PPP1R9A: variants seen among roughly 807,000 people sequenced by gnomAD.
The protein encoded by PPP1R9A is neurabin-1.
In PPP1R9A, 59 loss-of-function variants were observed where a neutral mutation model predicts 141.9. The observed-to-expected ratio is 0.42, with a 90% CI of 0.34 to 0.52. The LOEUF is 0.52. PPP1R9A is among the 20% of genes least tolerant of loss of function. The pLI, the probability that PPP1R9A is intolerant of heterozygous loss-of-function variation, is 0.10. For missense variants in PPP1R9A, 1,444 were observed against 1,611.9 expected, an observed-to-expected ratio of 0.90 and a Z score of 1.78; for synonymous variants, 500 against 569.7, an observed-to-expected ratio of 0.88 and a Z score of 1.74.
chr7:95,086,293 G>A (rs1195472150), intron 2 of PPP1R9A, among the ~76,000 whole-genome samples: 1 of 151,918 alleles, frequency 6.6e-6, no homozygotes. Flanking sequence ...GGATTTTTAT[G>A]TCTTAACACA....
At chr7:95,085,062 T>C (rs1175541715) in intron 2 of PPP1R9A, among the ~76,000 whole-genome samples, 1 of 152,050 alleles carries the variant, frequency 6.6e-6, no homozygotes, top group Non-Finnish European at 1.5e-5. Context: ...TTCCACATTC[T>C]CACCCATACT....
At chr7:94,960,186 T>C (rs1797476732) in intron 2 of PPP1R9A, among the ~76,000 whole-genome samples, 1 of 150,292 alleles carries the variant, frequency 6.7e-6, no homozygotes, top group Admixed American at 6.6e-5. Flanking sequence ...TTTTTTTTTC[T>C]TCATGTTCTT....
At chr7:94,936,687 T>C (rs905005308) in intron 2 of PPP1R9A, among the ~76,000 whole-genome samples, 2 of 151,842 alleles carry the variant, frequency 1.3e-5, no homozygotes, top group African/African-American at 4.8e-5. Context: ...TGTGTGTTTG[T>C]GTATATATTT....
At chr7:94,945,020 T>C (rs543677565) in intron 2 of PPP1R9A, among the ~76,000 whole-genome samples, 25 of 152,200 alleles carry the variant, frequency 1.6e-4, no homozygotes, top group African/African-American at 5.8e-4. Flanking sequence ...CCTAAGGATC[T>C]ATTGATTACC....
intron 2 of PPP1R9A, among the ~76,000 whole-genome samples, chr7:94,993,788 C>G (rs1584167794): frequency 2.0e-5 from 3 of 152,058 alleles, no homozygotes; most frequent in African/African-American, 7.2e-5. Context: ...GAAATTTTGT[C>G]AGATTTTTTA....
At chr7:94,941,010 A>T (rs1032933695) in intron 2 of PPP1R9A, among the ~76,000 whole-genome samples, 3 of 152,126 alleles carry the variant, frequency 2.0e-5, no homozygotes, top group Admixed American at 6.6e-5. Context: ...TGGGGAATAC[A>T]TTATGCACAG....
chr7:95,178,045 T>C (rs1239345164), intron 5 of PPP1R9A, among the ~76,000 whole-genome samples: 1 of 152,132 alleles, frequency 6.6e-6, no homozygotes, highest in African/African-American at 2.4e-5. Flanking sequence ...TTAACAGATA[T>C]ATACAGAACA....
intron 2 of PPP1R9A, among the ~76,000 whole-genome samples, chr7:95,021,922 C>G (rs542404070): frequency 1.2e-4 from 18 of 152,202 alleles, no homozygotes; most frequent in Admixed American, 1.0e-3. Flanking sequence ...CAGCTTTGTT[C>G]TTTTTGCTTA....
intron 2 of PPP1R9A, among the ~76,000 whole-genome samples, chr7:94,983,739 A>G (rs571411095): frequency 5.7e-4 from 87 of 152,228 alleles, no homozygotes; most frequent in Admixed American, 3.1e-3. Context: ...GGCTGAGATG[A>G]TGGGATTTTC....
intron 2 of PPP1R9A, among the ~76,000 whole-genome samples, chr7:94,948,243 G>A (rs1796099602): frequency 6.9e-6 from 1 of 145,712 alleles, no homozygotes; most frequent in Admixed American, 7.0e-5. Flanking sequence ...CTGTCACTTA[G>A]TTGGTACAGT....
chr7:95,132,218 T>G (rs1483725237), intron 4 of PPP1R9A, among the ~76,000 whole-genome samples: 1 of 152,170 alleles, frequency 6.6e-6, no homozygotes, highest in Non-Finnish European at 1.5e-5. Flanking sequence ...CTCCCAGTAC[T>G]ATGTTGAATA....
chr7:94,913,705 A>T (rs1235814765), intron 2 of PPP1R9A, among the ~76,000 whole-genome samples: 1 of 152,110 alleles, frequency 6.6e-6, no homozygotes, highest in African/African-American at 2.4e-5. Context: ...TGTTTAGGTT[A>T]TTCTCCAATT....
intron 4 of PPP1R9A, among the ~76,000 whole-genome samples, chr7:95,137,502 G>GA (rs2152556212): frequency 6.6e-6 from 1 of 150,978 alleles, no homozygotes; most frequent in Non-Finnish European, 1.5e-5. Context: ...GATGTTGCTG[G>GA]AAAAAAATCA....
intron 2 of PPP1R9A, among the ~76,000 whole-genome samples, chr7:95,110,119 T>C (rs1355247184): frequency 6.6e-6 from 1 of 152,134 alleles, no homozygotes; most frequent in Non-Finnish European, 1.5e-5. Flanking sequence ...CATGTACCAT[T>C]AGGAGCTACA....
At position 95,249,068 on chromosome 7, in the gene PPP1R9A, C is replaced by G. The variant is rs183455689; in HGVS notation, c.2167-958C>G. 4.8e-3 allele frequency among the ~76,000 whole-genome samples: 737 copies of G among 152,142 alleles called. 8 individuals carry two copies. The highest frequency in any genetic ancestry group is 0.017 in the African/African-American group (713 of 41,514). ...TTGGGAATGACTTTTGAGCCCTCAC[C>G]TAAATGATCAGTATTGGATTTCTGT... On this transcript the variant is annotated intron_variant, in intron 9 of 19. Coordinates refer to ENST00000433360, the MANE Select transcript of PPP1R9A (RefSeq NM_001166160.2).
At chr7:95,175,670 T>C (rs1448407495) in intron 5 of PPP1R9A, among the ~76,000 whole-genome samples, 1 of 152,102 alleles carries the variant, frequency 6.6e-6, no homozygotes, top group African/African-American at 2.4e-5. Flanking sequence ...GAAGAAATTT[T>C]CAATGATTTA....
chr7:94,960,753 G>A lies in PPP1R9A; in HGVS notation c.1395+49245G>A, dbSNP rs557071996. 2.4e-4 allele frequency among the ~76,000 whole-genome samples: 36 copies of A among 151,712 alleles called. No homozygotes were observed. The South Asian group carries it at 7.3e-3, about 31-fold the overall frequency. ...AAGGAGCCAAAATTTGAATCTAGAT[G>A]TGTTTATTTTTTTTAAATCCAGATC... On this transcript the variant is annotated intron_variant, in intron 2 of 19. Transcript: ENST00000433360.
chr7:95,287,461 G>T (rs1298360249), intron 18 of PPP1R9A, among the ~76,000 whole-genome samples: 1 of 152,002 alleles, frequency 6.6e-6, no homozygotes, highest in African/African-American at 2.4e-5. Context: ...CCCTGTGTGG[G>T]TCACCAAGGT....
chr7:95,120,575 C>T, intron 3 of PPP1R9A, 137 bp from the exon 4 acceptor site: 1 of 960,054 alleles, frequency 1.0e-6, no homozygotes, highest in Admixed American at 2.5e-5. Context: ...GAAAAGAATT[C>T]TGCTAAAGCA....
Sources: allele counts gnomAD v4.1 joint callset (sites outside exome capture counted in the v4.1 genomes callset), GRCh38; gene constraint gnomAD v4.1.1; transcripts MANE v1.5; gene names NCBI Gene and HGNC (gene_info 2026-07-23, HGNC 2026-07-21).